Variants in PDE4B observed in about 807,000 individuals in gnomAD.
PDE4B encodes the protein 3',5'-cyclic-AMP phosphodiesterase 4B.
A neutral mutation model predicts 82.2 loss-of-function variants in PDE4B; 20 were observed. The observed-to-expected ratio is 0.24, with a 90% confidence interval of 0.17 to 0.35. PDE4B has a LOEUF of 0.35. Among genes scored for constraint, PDE4B ranks in the 10% least tolerant of loss-of-function variants. The probability of loss-of-function intolerance (pLI) is 1.00; values close to 1 mark genes in which losing one functional copy is unlikely to be tolerated. For synonymous variants in PDE4B, 320 were observed against 318.9 expected (o/e 1.00, Z -0.04); for missense variants, 655 against 907.2 (o/e 0.72, Z 3.57).
chr1:65,908,029 C>G (rs1281630638), intron 1 of PDE4B, among the ~76,000 whole-genome samples: 2 of 152,112 alleles, frequency 1.3e-5, no homozygotes, highest in African/African-American at 4.8e-5. Context: ...CTCTCATATA[C>G]ATAGACTCTA....
intron 3 of PDE4B, among the ~76,000 whole-genome samples, chr1:65,938,902 A>C (rs1648296783): frequency 1.3e-5 from 2 of 152,188 alleles, no homozygotes; most frequent in African/African-American, 4.8e-5. Flanking sequence ...AATGAAATAA[A>C]AGAAGAACAC....
chr1:66,065,326 G>A (rs1655789288), intron 3 of PDE4B, among the ~76,000 whole-genome samples: 2 of 151,798 alleles, frequency 1.3e-5, no homozygotes, highest in Non-Finnish European at 2.9e-5. Context: ...ATTTTAAGTA[G>A]CATCCTGATT....
chr1:66,299,987 G>A lies in PDE4B; in HGVS notation c.635-32521G>A, dbSNP rs143346012. Reference sequence around the variant, plus strand: ...TATGTTATAATATGAATTAATAATGGCATGAATATTAAAACCAAACAAAAT... The same window carrying A: ...TATGTTATAATATGAATTAATAATGACATGAATATTAAAACCAAACAAAAT... On this transcript the variant is annotated intron_variant, in intron 7 of 16. Transcript: ENST00000341517. Among the ~76,000 whole-genome samples, 497 of 152,166 alleles carry A rather than the reference G, an allele frequency of 3.3e-3. 2 individuals are homozygous for A. The highest frequency in any genetic ancestry group is 0.011 in the African/African-American group (473 of 41,522).
At chr1:66,176,065 TA>T (rs1646926151) in intron 3 of PDE4B, among the ~76,000 whole-genome samples, 2 of 152,226 alleles carry the variant, frequency 1.3e-5, no homozygotes, top group Non-Finnish European at 1.5e-5. Context: ...ATCAGTTCAG[TA>T]GACCTAAAAT....
intron 3 of PDE4B, among the ~76,000 whole-genome samples, chr1:66,063,750 T>G (rs1162989310): frequency 2.0e-5 from 3 of 152,010 alleles, no homozygotes; most frequent in Admixed American, 1.3e-4. Context: ...TAGTTTCTTT[T>G]TTTCCTTTTG....
At chr1:65,991,441 C>T (rs1194442743) in intron 3 of PDE4B, among the ~76,000 whole-genome samples, 1 of 152,044 alleles carries the variant, frequency 6.6e-6, no homozygotes, top group Admixed American at 6.6e-5. Context: ...TTAAATGTCT[C>T]TCTTTTTCAC....
At chr1:65,995,781 C>T (rs901076109) in intron 3 of PDE4B, among the ~76,000 whole-genome samples, 7 of 152,260 alleles carry the variant, frequency 4.6e-5, no homozygotes, top group African/African-American at 1.7e-4. Flanking sequence ...TTAGAAGTCT[C>T]TAAAAACATG....
intron 3 of PDE4B, among the ~76,000 whole-genome samples, chr1:66,022,533 T>C (rs114887247): frequency 0.069 from 10,436 of 152,288 alleles, 486 homozygotes; most frequent in Middle Eastern, 0.13. Context: ...TTGAATTTTG[T>C]TGAAGGCCCT....
intron 3 of PDE4B, among the ~76,000 whole-genome samples, chr1:66,206,712 T>C (rs1241693069): frequency 6.6e-6 from 1 of 152,184 alleles, no homozygotes; most frequent in Non-Finnish European, 1.5e-5. Flanking sequence ...AACCAGGTGA[T>C]CTGGGTGTGG....
chr1:66,076,829 C>T (rs982842969), intron 3 of PDE4B, among the ~76,000 whole-genome samples: 1 of 152,090 alleles, frequency 6.6e-6, no homozygotes, highest in Non-Finnish European at 1.5e-5. Context: ...AGTGTCCTTT[C>T]ATGTTCTTTG....
intron 3 of PDE4B, among the ~76,000 whole-genome samples, chr1:66,019,702 C>T (rs887773055): frequency 5.3e-5 from 8 of 152,114 alleles, no homozygotes; most frequent in Non-Finnish European, 8.8e-5. Flanking sequence ...CATTTCACAC[C>T]GGTATTCCAT....
At position 66,149,679 on chromosome 1, in the gene PDE4B, C is replaced by G. The variant is rs144612875; in HGVS notation, c.282-97781C>G. Among the ~76,000 whole-genome samples the G allele has an allele frequency of 7.3e-3, 1,109 of 152,126 alleles. 5 individuals are homozygous for G. Among genetic ancestry groups the G allele is most frequent in the Non-Finnish European group, 0.012 (833 of 67,990 alleles). On this transcript the variant is annotated intron_variant, in intron 3 of 16. Transcript: ENST00000341517. ...GATCAGCCTGGGCAACATAGTGAGACCTATCTCTCCAAAAAAGTGAAAAAT... is the reference window on the plus strand; with the variant it reads ...GATCAGCCTGGGCAACATAGTGAGAGCTATCTCTCCAAAAAAGTGAAAAAT...
chr1:65,797,694 CT>C (rs1281779070), intron 1 of PDE4B, among the ~76,000 whole-genome samples: 15 of 152,294 alleles, frequency 9.8e-5, no homozygotes, highest in Admixed American at 9.8e-4. Context: ...ATTCTTAGAC[CT>C]GGAACTTGTG....
intron 1 of PDE4B, among the ~76,000 whole-genome samples, chr1:65,878,751 G>A (rs1646677319): frequency 6.6e-6 from 1 of 152,044 alleles, no homozygotes; most frequent in African/African-American, 2.4e-5. Flanking sequence ...GGAAAGGGGA[G>A]GGAGAGCATT....
intron 3 of PDE4B, among the ~76,000 whole-genome samples, chr1:66,092,401 A>G (rs1034781738): frequency 1.3e-5 from 2 of 151,972 alleles, no homozygotes; most frequent in Non-Finnish European, 1.5e-5. Context: ...ATCCGTGAGG[A>G]CTTACCATAT....
chr1:65,996,324 A>G (rs1651540116), intron 3 of PDE4B, among the ~76,000 whole-genome samples: 1 of 151,406 alleles, frequency 6.6e-6, no homozygotes, highest in African/African-American at 2.4e-5. Context: ...TGATTTATCT[A>G]TATTATTTAT....
rs189094152 is a variant in PDE4B, at chr1:66,361,857, A to G, written c.1020+64A>G. ...CTTTACAGCAGACGGATGACCGTATACCTTTTAGAAAATAGTATGGATTGC... is the reference window on the plus strand; with the variant it reads ...CTTTACAGCAGACGGATGACCGTATGCCTTTTAGAAAATAGTATGGATTGC... On this transcript the variant is annotated intron_variant, in intron 10 of 16. Coordinates refer to ENST00000341517, the MANE Select transcript of PDE4B (RefSeq NM_002600.4). 6 of 1,291,626 alleles carry G rather than the reference A, an allele frequency of 4.6e-6. No homozygotes were observed. The East Asian group carries it at 1.4e-4, about 31-fold the overall frequency. 80.0% of individuals were successfully genotyped at this position (1,291,626 alleles called of 1,614,324 possible). A position where few individuals can be genotyped will look rare whatever the true frequency, so the allele number is the denominator to read the frequency against.
chr1:66,226,347 C>T (rs937805740), intron 3 of PDE4B, among the ~76,000 whole-genome samples: 3 of 152,062 alleles, frequency 2.0e-5, no homozygotes, highest in African/African-American at 7.2e-5. Flanking sequence ...TGGAGAGATA[C>T]TGATTAAAAA....
chr1:66,090,746 T>C (rs937610356), intron 3 of PDE4B, among the ~76,000 whole-genome samples: 2 of 88,468 alleles, frequency 2.3e-5, no homozygotes, highest in South Asian at 4.5e-4. Flanking sequence ...TATATACATA[T>C]ATATGTATGT....
Sources: allele counts gnomAD v4.1 joint callset (sites outside exome capture counted in the v4.1 genomes callset), GRCh38; gene constraint gnomAD v4.1.1; transcripts MANE v1.5; gene names NCBI Gene and HGNC (gene_info 2026-07-23, HGNC 2026-07-21).